The following EFNB2 variants were observed in gnomAD, a reference collection of about 807,000 sequenced individuals.
The protein encoded by EFNB2 is ephrin B2.
In EFNB2, 5 loss-of-function variants were observed where a neutral mutation model predicts 32.1. The observed-to-expected ratio is 0.16, with a 90% CI of 0.08 to 0.33. The LOEUF is 0.33. Ranked by LOEUF, EFNB2 falls within the 10% of genes least tolerant of loss-of-function variation. EFNB2 has a pLI of 1.00. For synonymous variants in EFNB2, 168 were observed against 166.5 expected, an observed-to-expected ratio of 1.01 and a Z score of -0.07; for missense variants, 263 against 422.6, an observed-to-expected ratio of 0.62 and a Z score of 3.31.
At chr13:106,533,911 G>A (rs1445118371) in intron 1 of EFNB2, among the ~76,000 whole-genome samples, 1 of 152,156 alleles carries the variant, frequency 6.6e-6, no homozygotes. Flanking sequence ...AGGGATGGAT[G>A]GGATTTTCTA....
At chr13:106,533,080 CAG>C (rs1879933715) in intron 1 of EFNB2, among the ~76,000 whole-genome samples, 1 of 141,440 alleles carries the variant, frequency 7.1e-6, no homozygotes, top group South Asian at 2.3e-4. Context: ...TAGATTTAAA[CAG>C]AAATATTAAA....
intron 2 of EFNB2, among the ~76,000 whole-genome samples, chr13:106,503,107 A>C (rs1194371843): frequency 3.9e-5 from 6 of 152,134 alleles, no homozygotes; most frequent in Admixed American, 2.6e-4. Context: ...ATTTCCCCTC[A>C]AACTATTGTT....
chr13:106,525,495 T>G (rs370167651), intron 1 of EFNB2, among the ~76,000 whole-genome samples: 1 of 152,340 alleles, frequency 6.6e-6, no homozygotes, highest in South Asian at 2.1e-4. Context: ...ATGCAGAGAA[T>G]CCTGGGACGT....
Position 106,498,475 on chromosome 13 carries a change from C to T in EFNB2, c.407-2635G>A, listed in dbSNP as rs905707680. Among the ~76,000 whole-genome samples the T allele has an allele frequency of 2.0e-5, 3 of 151,902 alleles. 1 individual carries two copies. The highest frequency in any genetic ancestry group is 2.0e-4 in the Admixed American group (3 of 15,254). Reference sequence around the variant, plus strand: ...TTTTCTGAATATCAATGCTTTTGTGCGGAGCTCCCTAGGTTTACCAAAACG... The same window carrying T: ...TTTTCTGAATATCAATGCTTTTGTGTGGAGCTCCCTAGGTTTACCAAAACG... On this transcript the variant is annotated intron_variant, in intron 2 of 4. Transcript: ENST00000646441.
chr13:106,518,742 T>C lies in EFNB2; in HGVS notation c.123-5930A>G, dbSNP rs1594172979. Reference sequence around the variant, plus strand: ...GAGAGCTGTGTAGTGAACCCGAAATTGCACTCCCTGCTTCCCCTCCCACCC... The same window carrying C: ...GAGAGCTGTGTAGTGAACCCGAAATCGCACTCCCTGCTTCCCCTCCCACCC... On this transcript the variant is annotated intron_variant, in intron 1 of 4. Coordinates refer to ENST00000646441, the MANE Select transcript of EFNB2 (RefSeq NM_004093.4). This position sits in a 1 kb window ranked among gnomAD's most constrained non-coding sequence, Gnocchi z 4.1. 6.6e-6 allele frequency: 1 copy of C among 152,192 alleles called. No individual in the cohort carries two copies. Among genetic ancestry groups the C allele is most frequent in the African/African-American group, 2.4e-5 (1 of 41,428 alleles). The allele number at this position is 152,192 out of a possible 1,614,324, so 9.4% of individuals were successfully genotyped here.
rs148424137 is a variant in EFNB2 at position 106,518,851 on chromosome 13, A to G, written c.123-6039T>C. 1,468 of 152,326 alleles carry G rather than the reference A, an allele frequency of 9.6e-3. 11 individuals carry two copies. Among genetic ancestry groups the G allele is most frequent in the Non-Finnish European group, 0.015 (1,031 of 68,034 alleles). The allele number at this position is 152,326 out of a possible 1,614,324, so 9.4% of individuals were successfully genotyped here. A position where few individuals can be genotyped will look rare whatever the true frequency, so the allele number is the denominator to read the frequency against. On this transcript the variant is annotated intron_variant, in intron 1 of 4. Coordinates refer to ENST00000646441, the MANE Select transcript of EFNB2 (RefSeq NM_004093.4). This position sits in a 1 kb window ranked among gnomAD's most constrained non-coding sequence, Gnocchi z 4.1. Reference sequence around the variant, plus strand: ...CACAAACATCTGATGCCTTCTTACAAGTTTTCTCACGGTTGGCCAAAGAGT... The same window carrying G: ...CACAAACATCTGATGCCTTCTTACAGGTTTTCTCACGGTTGGCCAAAGAGT...
At chr13:106,524,218 A>G (rs1345286472) in intron 1 of EFNB2, among the ~76,000 whole-genome samples, 2 of 152,254 alleles carry the variant, frequency 1.3e-5, no homozygotes, top group East Asian at 3.8e-4. Context: ...ATCAAAATGG[A>G]TAATGACAGA....
chr13:106,507,428 AGAG>A (rs1401031719), intron 2 of EFNB2, among the ~76,000 whole-genome samples: 1 of 152,206 alleles, frequency 6.6e-6, no homozygotes, highest in East Asian at 1.9e-4. Context: ...AATCAAAAGC[AGAG>A]AAGAAAACAA....
chr13:106,516,813 A>G (rs1879328029), intron 1 of EFNB2: 1 of 152,220 alleles, frequency 6.6e-6, no homozygotes, highest in Non-Finnish European at 1.5e-5. Flanking sequence ...GCCAGGAACC[A>G]AAAGGTGAGG....
intron 1 of EFNB2, 32 bp from the exon 2 acceptor site, chr13:106,512,844 T>A (rs1467903029): frequency 6.6e-7 from 1 of 1,525,584 alleles, no homozygotes; most frequent in Admixed American, 2.1e-5. Flanking sequence ...GCCATTGAGT[T>A]GATAAAAATT....
intron 2 of EFNB2, among the ~76,000 whole-genome samples, chr13:106,507,177 T>C (rs1878980856): frequency 6.6e-6 from 1 of 152,222 alleles, no homozygotes; most frequent in East Asian, 1.9e-4. Flanking sequence ...GATGTTGCTG[T>C]ATCACCAAAT....
intron 1 of EFNB2, among the ~76,000 whole-genome samples, chr13:106,528,612 C>G (rs550992359): frequency 6.6e-6 from 1 of 152,254 alleles, no homozygotes; most frequent in South Asian, 2.1e-4. Flanking sequence ...CAGACTCTTC[C>G]AAAGTGTGGA....
Position 106,493,428 on chromosome 13 carries a change from C to A in EFNB2, c.614G>T (p.Gly205Val), listed in dbSNP as rs761153335. 2 of 1,606,116 alleles carry A rather than the reference C, an allele frequency of 1.2e-6. No homozygotes were observed. Among genetic ancestry groups the A allele is most frequent in the Admixed American group, 3.3e-5 (2 of 59,788 alleles). Residue 205 changes from glycine (G) to valine (V), a missense_variant and splice_region_variant, in exon 5 of 5, where the codon GGT (glycine) becomes GTT (valine). By Grantham distance (109) the Gly-to-Val change is moderately radical. Coordinates refer to ENST00000646441, the MANE Select transcript of EFNB2 (RefSeq NM_004093.4). This position sits in a 1 kb window ranked among gnomAD's most constrained non-coding sequence, Gnocchi z 6.1. ...GGCGCTGTTGCCGTCTGTGCTAGAA[C>A]CTGCAGACGCGGAGACAGAAAAGGT... Reference protein sequence around the residue: ...TTSPFVKPNPGSSTDGNSAGH... With the variant: ...TTSPFVKPNPVSSTDGNSAGH...
chr13:106,524,153 A>G (rs377194388), intron 1 of EFNB2, among the ~76,000 whole-genome samples: 1 of 152,210 alleles, frequency 6.6e-6, no homozygotes, highest in African/African-American at 2.4e-5. Flanking sequence ...TATTATATCA[A>G]AGATTCAAAG....
rs188283793 is a variant in EFNB2 at position 106,503,432 on chromosome 13, T to C, written c.407-7592A>G. Among the ~76,000 whole-genome samples the C allele has an allele frequency of 6.9e-3, 1,051 of 152,272 alleles. 6 individuals carry two copies. The highest frequency in any genetic ancestry group is 0.01 in the Non-Finnish European group (685 of 68,026). ...CCAGCCTTAGACACACCTGAATATG[T>C]GTCCTGAGCTAGGGAATCCGGGAGT... is the stretch of plus-strand genomic sequence containing the variant. On this transcript the variant is annotated intron_variant, in intron 2 of 4. Transcript: ENST00000646441.
In EFNB2 at chr13:106,494,187, AATTTGCACAACGACCAAGCAAG is replaced by A. The variant is rs1242138522; in HGVS notation, c.613+672_613+693del. Among the ~76,000 whole-genome samples, 4 of 152,318 alleles carry A rather than the reference AATTTGCACAACGACCAAGCAAG, an allele frequency of 2.6e-5. No individual in the cohort carries two copies. In the East Asian group the frequency reaches 7.7e-4, roughly 29 times the overall value. On this transcript the variant is annotated intron_variant, in intron 4 of 4. Coordinates refer to ENST00000646441, the MANE Select transcript of EFNB2 (RefSeq NM_004093.4). ...GGATGGAATATTGCTGCAGACGATA[AATTTGCACAACGACCAAGCAAG>A]CACACAACAATCCTAATACAAAACT... is the stretch of plus-strand genomic sequence containing the variant.
intron 2 of EFNB2, among the ~76,000 whole-genome samples, chr13:106,501,644 G>C (rs1878783801): frequency 6.6e-6 from 1 of 151,248 alleles, no homozygotes; most frequent in Non-Finnish European, 1.5e-5. Flanking sequence ...CCAGGCTGGA[G>C]TGCAGTGGTG....
intron 2 of EFNB2, among the ~76,000 whole-genome samples, chr13:106,504,646 C>T (rs1272408371): frequency 1.3e-5 from 2 of 152,178 alleles, no homozygotes; most frequent in African/African-American, 4.8e-5. Flanking sequence ...AAATGGGCTA[C>T]TTCACCAATG....
chr13:106,490,096 C>CATT lies in EFNB2; in HGVS notation c.*2941_*2943dup, dbSNP rs1878348541. On this transcript the variant is annotated 3_prime_UTR_variant, in exon 5 of 5. Coordinates refer to ENST00000646441, the MANE Select transcript of EFNB2 (RefSeq NM_004093.4). ...CCGTTAAACAAGCTGTAGCTAAATA[C>CATT]ATTGCAAAATTCAGATTTTATACAA... The CATT allele has an allele frequency of 6.6e-6, 1 of 152,566 alleles. No individual in the cohort carries two copies. The highest frequency in any genetic ancestry group is 6.5e-5 in the Admixed American group (1 of 15,276). The allele number at this position is 152,566 out of a possible 1,614,324, so 9.5% of individuals were successfully genotyped here. A position where few individuals can be genotyped will look rare whatever the true frequency, so the allele number is the denominator to read the frequency against.
Sources: allele counts gnomAD v4.1 joint callset (sites outside exome capture counted in the v4.1 genomes callset), GRCh38; gene constraint gnomAD v4.1.1; non-coding constraint Gnocchi (gnomAD v3.1); transcripts MANE v1.5; gene names NCBI Gene and HGNC (gene_info 2026-07-23, HGNC 2026-07-21).